Variants in CDK17 observed in about 807,000 individuals in gnomAD.
CDK17 encodes the protein cyclin dependent kinase 17.
CDK17 carries 24 observed loss-of-function variants against 77.6 expected under a neutral mutation model. The observed-to-expected ratio is 0.31, with a 90% CI of 0.22 to 0.44. CDK17 has a LOEUF of 0.44. CDK17 is among the 20% of genes least tolerant of loss of function. CDK17 has a pLI of 1.00. For synonymous variants in CDK17, 203 were observed against 210.4 expected, an observed-to-expected ratio of 0.96 and a Z score of 0.30; for missense variants, 429 against 622.5, an observed-to-expected ratio of 0.69 and a Z score of 3.31.
chr12:96,290,419 T>C (rs1043400230), intron 10 of CDK17, among the ~76,000 whole-genome samples: 1 of 152,198 alleles, frequency 6.6e-6, no homozygotes, highest in Admixed American at 6.5e-5. Context: ...CTGATTAAAA[T>C]ATTAAAGAAA....
intron 11 of CDK17, 96 bp downstream of exon 11, chr12:96,289,071 A>G (rs921840892): frequency 1.5e-5 from 20 of 1,307,694 alleles, no homozygotes; most frequent in East Asian, 1.2e-4. Context: ...CTTTAAAATA[A>G]TATCTCCTTA....
chr12:96,389,345 G>A (rs997033043), intron 1 of CDK17, among the ~76,000 whole-genome samples: 2 of 152,014 alleles, frequency 1.3e-5, no homozygotes, highest in Non-Finnish European at 2.9e-5. Flanking sequence ...TTTATGAAAA[G>A]AAAATTGAAA....
At chr12:96,388,242 A>T (rs1406294658) in intron 1 of CDK17, among the ~76,000 whole-genome samples, 1 of 152,254 alleles carries the variant, frequency 6.6e-6, no homozygotes, top group African/African-American at 2.4e-5. Context: ...AGAACAGGGA[A>T]AATGGTTCAA....
At chr12:96,307,754 T>A (rs1952595031) in intron 5 of CDK17, among the ~76,000 whole-genome samples, 1 of 151,710 alleles carries the variant, frequency 6.6e-6, no homozygotes, top group African/African-American at 2.4e-5. Context: ...GCCTGTAATC[T>A]CAGCTACTAA....
intron 2 of CDK17, among the ~76,000 whole-genome samples, chr12:96,334,463 G>A (rs1476819341): frequency 1.3e-5 from 2 of 152,124 alleles, no homozygotes; most frequent in African/African-American, 4.8e-5. Flanking sequence ...AAGAACTAGT[G>A]AAAAATGGAA....
At chr12:96,284,816 G>GAT (rs1399938957) in intron 13 of CDK17, among the ~76,000 whole-genome samples, 1 of 152,032 alleles carries the variant, frequency 6.6e-6, no homozygotes, top group Non-Finnish European at 1.5e-5. Flanking sequence ...CGCCTGCCTT[G>GAT]GCCCCCCTAA....
chr12:96,299,339 CATAT>C (rs1439759941), intron 6 of CDK17, among the ~76,000 whole-genome samples: 1 of 150,874 alleles, frequency 6.6e-6, no homozygotes, highest in African/African-American at 2.4e-5. Context: ...ACTAATTGAA[CATAT>C]TAATTGAAAA....
chr12:96,335,297 A>G (rs896085754), intron 1 of CDK17: 3 of 273,428 alleles, frequency 1.1e-5, no homozygotes, highest in African/African-American at 2.3e-5. Context: ...GAAGACAAAG[A>G]ACAATGTTTG....
intron 1 of CDK17, among the ~76,000 whole-genome samples, chr12:96,398,145 T>G (rs1333206599): frequency 6.6e-6 from 1 of 152,122 alleles, no homozygotes; most frequent in Non-Finnish European, 1.5e-5. Flanking sequence ...CCGTTTTTTT[T>G]TAAGCCAACC....
At chr12:96,371,830 T>C (rs549201965) in intron 1 of CDK17, among the ~76,000 whole-genome samples, 2 of 152,378 alleles carry the variant, frequency 1.3e-5, no homozygotes, top group African/African-American at 2.4e-5. Context: ...AATAGTATTA[T>C]GTATTGCCTC....
intron 15 of CDK17, chr12:96,282,009 C>G (rs1952184665): frequency 1.3e-5 from 2 of 152,240 alleles, no homozygotes; most frequent in African/African-American, 4.8e-5. Flanking sequence ...CATGGGAAAT[C>G]TGCTATTACA....
chr12:96,366,367 A>G (rs939725875), intron 1 of CDK17, among the ~76,000 whole-genome samples: 1 of 152,172 alleles, frequency 6.6e-6, no homozygotes, highest in South Asian at 2.1e-4. Context: ...AGTCCCTCAT[A>G]TAAGGGAAAG....
chr12:96,301,228 C>A (rs531643117), intron 5 of CDK17, among the ~76,000 whole-genome samples: 39 of 135,412 alleles, frequency 2.9e-4, no homozygotes, highest in Non-Finnish European at 4.8e-4. Flanking sequence ...TACACCCCCC[C>A]TCAACACTCG....
chr12:96,299,180 A>G (rs887617959), intron 6 of CDK17, among the ~76,000 whole-genome samples, 197 bp from the exon 7 acceptor site: 1 of 152,212 alleles, frequency 6.6e-6, no homozygotes, highest in African/African-American at 2.4e-5. Flanking sequence ...CACAGCTTCC[A>G]TACTTCTGTA....
At chr12:96,283,447 GTTTT>G (rs11345627) in intron 14 of CDK17, among the ~76,000 whole-genome samples, 152 bp downstream of exon 14, 19 of 145,932 alleles carry the variant, frequency 1.3e-4, no homozygotes, top group Admixed American at 1.4e-4. Flanking sequence ...GAGAAACCAT[GTTTT>G]TTTTTTTTTT....
intron 3 of CDK17, among the ~76,000 whole-genome samples, chr12:96,320,921 CCAAAAG>C (rs1952806774): frequency 4.2e-5 from 1 of 23,858 alleles, no homozygotes; most frequent in Admixed American, 4.3e-4. Context: ...GTCCAAAACA[CCAAAAG>C]CAATGGCAAC....
At chr12:96,281,223 C>T (rs1279371550) in intron 15 of CDK17, among the ~76,000 whole-genome samples, 1 of 152,220 alleles carries the variant, frequency 6.6e-6, no homozygotes, top group Non-Finnish European at 1.5e-5. Context: ...TGTTAATTCT[C>T]TCTGTCCTTT....
chr12:96,312,668 T>A (rs1452974137), intron 4 of CDK17, among the ~76,000 whole-genome samples: 1 of 152,182 alleles, frequency 6.6e-6, no homozygotes, highest in Non-Finnish European at 1.5e-5. Flanking sequence ...ATGTTCAATT[T>A]TTTTTTGCAG....
intron 1 of CDK17, among the ~76,000 whole-genome samples, chr12:96,350,130 TAAATG>T (rs1205087765): frequency 6.6e-6 from 1 of 152,124 alleles, no homozygotes; most frequent in Admixed American, 6.6e-5. Context: ...GAAACCTAAA[TAAATG>T]AAAGTATATC....
Sources: allele counts gnomAD v4.1 joint callset (sites outside exome capture counted in the v4.1 genomes callset), GRCh38; gene constraint gnomAD v4.1.1; transcripts MANE v1.5; gene names NCBI Gene and HGNC (gene_info 2026-07-23, HGNC 2026-07-21).